GIMAP8: variants seen among roughly 807,000 people sequenced by gnomAD.
GIMAP8 encodes GTPase, IMAP family member 8.
Under a neutral mutation model 35.6 loss-of-function variants are expected in GIMAP8, and 29 were observed. That is an observed-to-expected ratio of 0.81 (90% CI 0.61 to 1.11). GIMAP8 has a LOEUF of 1.11. Ranked by LOEUF, GIMAP8 falls within the 50% of genes most tolerant of loss-of-function variation. The pLI, the probability that GIMAP8 is intolerant of heterozygous loss-of-function variation, is 0.00. For synonymous variants in GIMAP8, 335 were observed against 308.7 expected (o/e 1.09, Z -0.89); for missense variants, 811 against 805.0 (o/e 1.01, Z -0.09).
intron 1 of GIMAP8, among the ~76,000 whole-genome samples, chr7:150,456,384 C>G (rs1342086979): frequency 6.6e-6 from 1 of 152,158 alleles, no homozygotes; most frequent in Non-Finnish European, 1.5e-5. Flanking sequence ...ACCTTCATCC[C>G]CTCAACTCCT....
At chr7:150,476,754 A>C (rs1802237274) in intron 4 of GIMAP8, among the ~76,000 whole-genome samples, 1 of 152,224 alleles carries the variant, frequency 6.6e-6, no homozygotes, top group Non-Finnish European at 1.5e-5. Flanking sequence ...GAGAGTAAGA[A>C]GGCCAGGGGA....
rs545703126 is a variant in GIMAP8, at chr7:150,478,706, G to A, written c.*926G>A. 6.6e-6 allele frequency: 1 copy of A among 152,304 alleles called. No homozygotes were observed. The highest frequency in any genetic ancestry group is 1.5e-5 in the Non-Finnish European group (1 of 68,030). The allele number at this position is 152,304 out of a possible 1,614,324, so 9.4% of individuals were successfully genotyped here. A position where few individuals can be genotyped will look rare whatever the true frequency, so the allele number is the denominator to read the frequency against. On this transcript the variant is annotated 3_prime_UTR_variant, in exon 5 of 5. Coordinates refer to ENST00000307271, the MANE Select transcript of GIMAP8 (RefSeq NM_175571.4). ...CAGGGGCTTCCTGTATCTCCTGTCA[G>A]GAAGCCGAGGAATAAGCAGGCTGGG...
intron 2 of GIMAP8, 148 bp from the exon 3 acceptor site, chr7:150,470,681 T>C (rs1215399406): frequency 6.4e-6 from 4 of 623,872 alleles, no homozygotes; most frequent in African/African-American, 3.7e-5. Flanking sequence ...ACAAAGACCA[T>C]GACCAGGGCC....
intron 2 of GIMAP8, among the ~76,000 whole-genome samples, chr7:150,470,601 G>A (rs111760357): frequency 1.9e-3 from 285 of 152,156 alleles, no homozygotes; most frequent in African/African-American, 6.3e-3. Flanking sequence ...CACCTTCTCC[G>A]AGAACCAGTC....
chr7:150,474,614 A>C lies in GIMAP8; in HGVS notation c.1285A>C (p.Lys429Gln). 1.3e-6 allele frequency: 2 copies of C among 1,598,998 alleles called. No individual in the cohort carries two copies. Among genetic ancestry groups the C allele is most frequent in the East Asian group, 4.5e-5 (2 of 44,812 alleles). ...IESMVHQNGN[K>Q]HCVFREKETL... ...GAGCATGGTGCATCAGAATGGGAAC[A>C]AGCATTGTGTTTTCAGAGAAAAAGG... The change falls in exon 4 of 5, where the codon AAG becomes CAG. Residue 429 changes from lysine to glutamine, a missense_variant. Coordinates refer to ENST00000307271, the MANE Select transcript of GIMAP8 (RefSeq NM_175571.4).
intron 2 of GIMAP8, among the ~76,000 whole-genome samples, chr7:150,470,251 G>A (rs1280045165): frequency 2.6e-5 from 4 of 152,128 alleles, no homozygotes; most frequent in Non-Finnish European, 4.4e-5. Context: ...GAAAGCAGAG[G>A]GAAGATTTCC....
rs746571422 is a variant in GIMAP8 at position 150,474,111 on chromosome 7, G to T, written c.782G>T (p.Ser261Ile). 6.2e-7 allele frequency: 1 copy of T among 1,614,202 alleles called. No homozygotes were observed. The highest frequency in any genetic ancestry group is 8.5e-7 in the Non-Finnish European group (1 of 1,180,040). Residue 261 changes from serine to isoleucine, a missense_variant, in exon 4 of 5, where the codon AGT (serine) becomes ATT (isoleucine). Ser to Ile is a moderately radical substitution (Grantham distance 142). Transcript: ENST00000307271. Reference protein sequence around the residue: ...LLVGKRGAGKSAAGNSILGRQ... With the variant: ...LLVGKRGAGKIAAGNSILGRQ... ...GTGGGGAAACGCGGTGCTGGAAAAA[G>T]TGCAGCAGGAAACAGCATTCTGGGG...
chr7:150,452,153 A>C (rs1203503078), intron 1 of GIMAP8, among the ~76,000 whole-genome samples: 1 of 152,194 alleles, frequency 6.6e-6, no homozygotes, highest in Non-Finnish European at 1.5e-5. Flanking sequence ...TGGGGTCTCC[A>C]GAGTGGCCTG....
At position 150,450,979 on chromosome 7, in the gene GIMAP8, C is replaced by G. The variant is rs1244970136; in HGVS notation, c.-225C>G. 1.3e-5 allele frequency: 2 copies of G among 152,398 alleles called. No individual in the cohort carries two copies. 9.4% of individuals were successfully genotyped at this position (152,398 alleles called of 1,614,324 possible). On this transcript the variant is annotated 5_prime_UTR_variant, in exon 1 of 5. Coordinates refer to ENST00000307271, the MANE Select transcript of GIMAP8 (RefSeq NM_175571.4). This position sits in a 1 kb window ranked among gnomAD's most constrained non-coding sequence, Gnocchi z 4.4. ...AGCCTGTGGCCTGCACAGGGAACTT[C>G]CTCTCCGACTGCATTTATGCCTCTG...
chr7:150,467,019 A>G lies in GIMAP8; in HGVS notation c.321A>G (p.Thr107=), dbSNP rs1482684957. The change falls in exon 2 of 5, where the codon ACA becomes ACG. Residue 107 remains threonine (T), a synonymous_variant. Transcript: ENST00000307271. ...LLLVIAIGHF[T]REDEETAKGI... ...TGGTAATTGCCATCGGCCATTTCAC[A>G]AGGGAGGATGAGGAAACAGCCAAGG... is the stretch of plus-strand genomic sequence containing the variant. The G allele has an allele frequency of 6.2e-7, 1 of 1,614,220 alleles. No individual in the cohort carries two copies. Among genetic ancestry groups the G allele is most frequent in the South Asian group, 1.1e-5 (1 of 91,084 alleles).
intron 3 of GIMAP8, among the ~76,000 whole-genome samples, chr7:150,473,289 C>T (rs996577945): frequency 1.6e-4 from 24 of 151,928 alleles, no homozygotes; most frequent in African/African-American, 5.8e-4. Context: ...TATTGAGGTA[C>T]GATTTACACA....
At position 150,477,488 on chromosome 7, in the gene GIMAP8, A is replaced by G; in HGVS notation, c.1706A>G (p.Asp569Gly). ...YAIMLFTRKE[D>G]LGAGNLEDFM... Reference sequence around the variant, plus strand: ...ATTATGCTGTTCACCCGGAAGGAAGACCTAGGGGCGGGGAATTTGGAAGAC... The same window carrying G: ...ATTATGCTGTTCACCCGGAAGGAAGGCCTAGGGGCGGGGAATTTGGAAGAC... The change falls in exon 5 of 5, where the codon GAC becomes GGC. Residue 569 changes from aspartate (D) to glycine (G), a missense_variant. Physicochemically the swap from Asp to Gly is moderately conservative, Grantham distance 94. Coordinates refer to ENST00000307271, the MANE Select transcript of GIMAP8 (RefSeq NM_175571.4). The G allele has an allele frequency of 6.2e-7, 1 of 1,614,168 alleles. No individual in the cohort carries two copies. Among genetic ancestry groups the G allele is most frequent in the Non-Finnish European group, 8.5e-7 (1 of 1,180,026 alleles).
chr7:150,462,706 G>T lies in GIMAP8; in HGVS notation c.-28-3965G>T, dbSNP rs145689494. Among the ~76,000 whole-genome samples the T allele has an allele frequency of 9.9e-5, 15 of 152,282 alleles. 1 individual carries two copies. Among genetic ancestry groups the T allele is most frequent in the Non-Finnish European group, 1.9e-4 (13 of 68,020 alleles). Reference sequence around the variant, plus strand: ...AAGGTTTCTGCTAATAAAACATGGTGTTAGTCTGATGGAGATTCCTTTATA... The same window carrying T: ...AAGGTTTCTGCTAATAAAACATGGTTTTAGTCTGATGGAGATTCCTTTATA... On this transcript the variant is annotated intron_variant, in intron 1 of 4. Coordinates refer to ENST00000307271, the MANE Select transcript of GIMAP8 (RefSeq NM_175571.4).
chr7:150,454,435 G>A (rs1801684804), intron 1 of GIMAP8, among the ~76,000 whole-genome samples: 1 of 152,212 alleles, frequency 6.6e-6, no homozygotes, highest in Non-Finnish European at 1.5e-5. Flanking sequence ...GTTCAATCTG[G>A]AAAAGTTAGG....
chr7:150,470,709 G>T, intron 2 of GIMAP8, 120 bp from the exon 3 acceptor site: 1 of 704,188 alleles, frequency 1.4e-6, no homozygotes, highest in South Asian at 1.9e-5. Context: ...GACCACATCT[G>T]ACTCAGCAGA....
At chr7:150,460,884 A>T (rs1043536188) in intron 1 of GIMAP8, among the ~76,000 whole-genome samples, 16 of 152,342 alleles carry the variant, frequency 1.1e-4, no homozygotes, top group African/African-American at 3.6e-4. Context: ...CTCAGGTTGC[A>T]TGTCAACTTG....
Position 150,474,323 on chromosome 7 carries a change from C to T in GIMAP8, c.994C>T (p.Pro332Ser), listed in dbSNP as rs1248070736. 3.7e-6 allele frequency: 6 copies of T among 1,614,120 alleles called. No individual in the cohort carries two copies. Among genetic ancestry groups the T allele is most frequent in the African/African-American group, 2.7e-5 (2 of 75,050 alleles). The change falls in exon 4 of 5, where the codon CCA becomes TCA. Residue 332 changes from proline (P) to serine (S), a missense_variant. Pro to Ser is a moderately conservative substitution (Grantham distance 74). Transcript: ENST00000307271. ...CCCCCATGCCTTCCTGCTGGTGACA[C>T]CACTGGGCTTTTACACTAAGAATGA... is the stretch of plus-strand genomic sequence containing the variant. The part of the protein sequence containing the change: ...TGPHAFLLVT[P>S]LGFYTKNDEA...
chr7:150,474,158 T>G lies in GIMAP8; in HGVS notation c.829T>G (p.Phe277Val), dbSNP rs1171005757. ...GGGGAGGCAGGCCTTTCAGACCGGA[T>G]TTAGTGAGCAGTCAGTAACCCAGAG... ...ILGRQAFQTG[F>V]SEQSVTQSFL... The change falls in exon 4 of 5, where the codon TTT (phenylalanine) becomes GTT (valine). Residue 277 changes from phenylalanine (F) to valine (V), a missense_variant. Physicochemically the swap from Phe to Val is conservative, Grantham distance 50. Transcript: ENST00000307271. 1.2e-6 allele frequency: 2 copies of G among 1,613,992 alleles called. No homozygotes were observed. The highest frequency in any genetic ancestry group is 1.7e-6 in the Non-Finnish European group (2 of 1,180,020).
At chr7:150,465,289 C>T (rs1801930134) in intron 1 of GIMAP8, among the ~76,000 whole-genome samples, 1 of 151,938 alleles carries the variant, frequency 6.6e-6, no homozygotes, top group South Asian at 2.1e-4. Flanking sequence ...ATAGGTAAAC[C>T]TTCCCAGGTG....
Sources: allele counts gnomAD v4.1 joint callset (sites outside exome capture counted in the v4.1 genomes callset), GRCh38; gene constraint gnomAD v4.1.1; non-coding constraint Gnocchi (gnomAD v3.1); transcripts MANE v1.5; gene names NCBI Gene and HGNC (gene_info 2026-07-23, HGNC 2026-07-21).